Variants in ZNF488 observed in about 807,000 individuals in gnomAD.
The protein encoded by ZNF488 is zinc finger protein 488.
Under a neutral mutation model 1.2 loss-of-function variants are expected in ZNF488, and 1 was observed. The observed-to-expected ratio is 0.86, with a 90% confidence interval of 0.30 to 4.07. The LOEUF is 4.07. Ranked by LOEUF, ZNF488 falls within the 30% of genes most tolerant of loss-of-function variation. The probability of loss-of-function intolerance (pLI) is 0.18; values close to 1 mark genes in which losing one functional copy is unlikely to be tolerated. For missense variants in ZNF488, 450 were observed against 437.9 expected, an observed-to-expected ratio of 1.03 and a Z score of -0.25; for synonymous variants, 185 against 190.1, an observed-to-expected ratio of 0.97 and a Z score of 0.22.
chr10:47,374,604 G>A (rs1325560687), intron 1 of ZNF488, among the ~76,000 whole-genome samples: 2 of 152,176 alleles, frequency 1.3e-5, no homozygotes, highest in Non-Finnish European at 2.9e-5. Context: ...ATCCCTGTGA[G>A]AGCCAGAGAC....
intron 1 of ZNF488, among the ~76,000 whole-genome samples, chr10:47,370,705 C>T (rs1448601392): frequency 2.0e-5 from 3 of 152,180 alleles, no homozygotes; most frequent in Non-Finnish European, 2.9e-5. Flanking sequence ...ATACGCAAGA[C>T]GAAGCACTGT....
intron 1 of ZNF488, among the ~76,000 whole-genome samples, chr10:47,378,346 C>G (rs555070072): frequency 1.0e-3 from 154 of 152,330 alleles, no homozygotes; most frequent in African/African-American, 3.5e-3. Context: ...GCCTTCATCC[C>G]TACCCGCTCT....
intron 1 of ZNF488, among the ~76,000 whole-genome samples, chr10:47,379,614 C>T: frequency 6.6e-6 from 1 of 152,248 alleles, no homozygotes; most frequent in Non-Finnish European, 1.5e-5. Context: ...AGAACAAGGG[C>T]CAGACCGAAG....
In ZNF488 at chr10:47,367,211, C is replaced by T. The variant is rs1837250660; in HGVS notation, c.*596G>A. The stretch of plus-strand genomic sequence containing the variant: ...CCAAGCCCAGCCAAGCTCAGCTTAA[C>T]CTGAGCCAACCCACAGACTCACGAC... On this transcript the variant is annotated 3_prime_UTR_variant, in exon 2 of 2. Coordinates refer to ENST00000585316, the MANE Select transcript of ZNF488 (RefSeq NM_153034.4). 1 of 167,368 alleles carries T rather than the reference C, an allele frequency of 6.0e-6. No homozygotes were observed. The allele number at this position is 167,368 out of a possible 1,614,324, so 10.4% of individuals were successfully genotyped here. A position where few individuals can be genotyped will look rare whatever the true frequency, so the allele number is the denominator to read the frequency against.
At chr10:47,372,833 G>A (rs917028996) in intron 1 of ZNF488, among the ~76,000 whole-genome samples, 1 of 152,216 alleles carries the variant, frequency 6.6e-6, no homozygotes, top group Non-Finnish European at 1.5e-5. Context: ...CCTGGCCTAA[G>A]TGAGAGGTGG....
intron 1 of ZNF488, among the ~76,000 whole-genome samples, chr10:47,378,591 C>T (rs1555214711): frequency 6.6e-6 from 1 of 152,188 alleles, no homozygotes; most frequent in Non-Finnish European, 1.5e-5. Flanking sequence ...CTGCTTCCCG[C>T]CCAGCCATGA....
intron 1 of ZNF488, among the ~76,000 whole-genome samples, chr10:47,371,299 GA>G (rs1404318886): frequency 2.6e-5 from 4 of 151,120 alleles, no homozygotes; most frequent in East Asian, 1.9e-4. Context: ...AATAGTATGG[GA>G]AAAAAAAGCT....
intron 1 of ZNF488, among the ~76,000 whole-genome samples, chr10:47,376,328 A>G (rs1419404499): frequency 1.3e-5 from 2 of 152,130 alleles, no homozygotes; most frequent in African/African-American, 4.8e-5. Context: ...CCTAGTGGAA[A>G]AGAAGGGCTG....
intron 1 of ZNF488, among the ~76,000 whole-genome samples, chr10:47,381,597 C>T (rs1215975745): frequency 6.6e-6 from 1 of 152,230 alleles, no homozygotes; most frequent in Non-Finnish European, 1.5e-5. Flanking sequence ...GCCAGCTACG[C>T]CTGGACCCCT....
chr10:47,377,600 TCACACACACACACACA>T (rs66911760), intron 1 of ZNF488, among the ~76,000 whole-genome samples: 22 of 114,770 alleles, frequency 1.9e-4, no homozygotes, highest in African/African-American at 6.7e-4. Context: ...AATAACAATC[TCACACACACACACACA>T]CACACACACA....
At position 47,367,530 on chromosome 10, in the gene ZNF488, C is replaced by T. The variant is rs1156564814; in HGVS notation, c.*277G>A. ...AATCCAGGCTTGTGTGCCTCCAAAG[C>T]CCATGATGTGTGCCAGGAGTTGCCC... is the stretch of plus-strand genomic sequence containing the variant. On this transcript the variant is annotated 3_prime_UTR_variant, in exon 2 of 2. Coordinates refer to ENST00000585316, the MANE Select transcript of ZNF488 (RefSeq NM_153034.4). The T allele has an allele frequency of 8.1e-6, 4 of 492,984 alleles. No homozygotes were observed. Among genetic ancestry groups the T allele is most frequent in the Non-Finnish European group, 1.5e-5 (4 of 271,766 alleles). The allele number at this position is 492,984 out of a possible 1,614,324, so 30.5% of individuals were successfully genotyped here.
chr10:47,381,363 C>G (rs72792017), intron 1 of ZNF488, among the ~76,000 whole-genome samples: 2 of 150,564 alleles, frequency 1.3e-5, no homozygotes, highest in Non-Finnish European at 3.0e-5. Flanking sequence ...CTTCCCAGAC[C>G]CTTTTGGAAG....
rs1837238738 is a variant in ZNF488 at position 47,366,898 on chromosome 10, T to C, written c.*909A>G. 6.0e-6 allele frequency: 1 copy of C among 167,108 alleles called. No individual in the cohort carries two copies. Among genetic ancestry groups the C allele is most frequent in the Non-Finnish European group, 1.5e-5 (1 of 68,116 alleles). 10.4% of individuals were successfully genotyped at this position (167,108 alleles called of 1,614,324 possible). On this transcript the variant is annotated 3_prime_UTR_variant, in exon 2 of 2. Coordinates refer to ENST00000585316, the MANE Select transcript of ZNF488 (RefSeq NM_153034.4). Reference sequence around the variant, plus strand: ...GGACCAGGTATTGGCTGGAATTACCTGTCCCAATTCCTCACCCTCCTGTGG... The same window carrying C: ...GGACCAGGTATTGGCTGGAATTACCCGTCCCAATTCCTCACCCTCCTGTGG...
chr10:47,382,836 C>G (rs1555215688), intron 1 of ZNF488, among the ~76,000 whole-genome samples: 1 of 152,150 alleles, frequency 6.6e-6, no homozygotes. Context: ...CATTAAAGGT[C>G]ATAATAAACT....
At chr10:47,372,087 C>T (rs1837492044) in intron 1 of ZNF488, among the ~76,000 whole-genome samples, 1 of 152,202 alleles carries the variant, frequency 6.6e-6, no homozygotes, top group Non-Finnish European at 1.5e-5. Flanking sequence ...TTCATTCACT[C>T]AGTAAACATG....
rs144196149 is a variant in ZNF488 at position 47,368,397 on chromosome 10, T to C, written c.433A>G (p.Ser145Gly). 3.4e-4 allele frequency: 543 copies of C among 1,614,186 alleles called. 2 individuals carry two copies. In the African/African-American group the frequency reaches 6.4e-3, roughly 19 times the overall value. The change falls in exon 2 of 2, where the codon AGC (serine) becomes GGC (glycine). Residue 145 changes from serine to glycine, a missense_variant. Physicochemically the swap from Ser to Gly is moderately conservative, Grantham distance 56. Transcript: ENST00000585316. ...CTGGGCCACACAGAGAAGACTTTGC[T>C]GCCAGCTGGGCCTCTGGGGATGTTC... ...TQNIPRGPAG[S>G]KVFSVWPSGA...
At chr10:47,377,007 C>T (rs966002469) in intron 1 of ZNF488, among the ~76,000 whole-genome samples, 1 of 152,240 alleles carries the variant, frequency 6.6e-6, no homozygotes, top group Non-Finnish European at 1.5e-5. Flanking sequence ...CCACCTTCAG[C>T]AGCCTGCCTG....
intron 1 of ZNF488, among the ~76,000 whole-genome samples, chr10:47,370,866 A>T (rs1222565236): frequency 6.6e-6 from 1 of 152,210 alleles, no homozygotes; most frequent in East Asian, 1.9e-4. Context: ...GGAAACACAG[A>T]AAATGACCAC....
chr10:47,371,296 T>TG (rs1837457192), intron 1 of ZNF488, among the ~76,000 whole-genome samples: 1 of 151,574 alleles, frequency 6.6e-6, no homozygotes, highest in African/African-American at 2.4e-5. Flanking sequence ...CGCAATAGTA[T>TG]GGGAAAAAAA....
Sources: allele counts gnomAD v4.1 joint callset (sites outside exome capture counted in the v4.1 genomes callset), GRCh38; gene constraint gnomAD v4.1.1; transcripts MANE v1.5; gene names NCBI Gene and HGNC (gene_info 2026-07-23, HGNC 2026-07-21).